Variants in CRISPLD1 observed in about 807,000 individuals in gnomAD.
CRISPLD1 encodes cysteine rich secretory protein LCCL domain containing 1, also known as cysteine-rich secretory protein LCCL domain-containing 1.
A neutral mutation model predicts 77.5 loss-of-function variants in CRISPLD1; 60 were observed. The observed-to-expected ratio is 0.77, with a 90% CI of 0.63 to 0.96. The LOEUF (loss-of-function observed/expected upper bound fraction) is 0.96. CRISPLD1 is among the 40% of genes least tolerant of loss of function. The pLI is 0.00. For synonymous variants in CRISPLD1, 195 were observed against 200.1 expected, an observed-to-expected ratio of 0.97 and a Z score of 0.22; for missense variants, 623 against 615.8, an observed-to-expected ratio of 1.01 and a Z score of -0.12.
At chr8:75,009,935 A>T (rs1418235312) in intron 2 of CRISPLD1, among the ~76,000 whole-genome samples, 1 of 152,092 alleles carries the variant, frequency 6.6e-6, no homozygotes, top group Non-Finnish European at 1.5e-5. Context: ...TGGTAAAGTT[A>T]ATTAATAATA....
Position 74,998,685 on chromosome 8 carries a change from C to CAAAAAAA in CRISPLD1, c.258+12457_258+12463dup, listed in dbSNP as rs368258595. Among the ~76,000 whole-genome samples the CAAAAAAA allele has an allele frequency of 1.6e-3, 83 of 50,930 alleles. 4 individuals are homozygous for CAAAAAAA. The highest frequency in any genetic ancestry group is 3.4e-3 in the African/African-American group (47 of 13,808). 33.4% of individuals were successfully genotyped at this position (50,930 alleles called of 152,430 possible). A position where few individuals can be genotyped will look rare whatever the true frequency, so the allele number is the denominator to read the frequency against. On this transcript the variant is annotated intron_variant, in intron 2 of 14. Transcript: ENST00000262207. ...CCTGGGCAACAGAGAGACTCCATCT[C>CAAAAAAA]AAAAAAAAAAAAAAAAAAAAAAAGT...
chr8:75,029,001 G>T (rs555733148), intron 13 of CRISPLD1, among the ~76,000 whole-genome samples: 1 of 152,290 alleles, frequency 6.6e-6, no homozygotes, highest in African/African-American at 2.4e-5. Flanking sequence ...CATTTGGTCA[G>T]AGTGAGCCCA....
chr8:75,032,181 T>C lies in CRISPLD1; in HGVS notation c.1452-10T>C. The C allele has an allele frequency of 1.3e-6, 2 of 1,591,916 alleles. No homozygotes were observed. The highest frequency in any genetic ancestry group is 1.7e-6 in the Non-Finnish European group (2 of 1,164,798). On this transcript the variant is annotated splice_polypyrimidine_tract_variant and intron_variant, in intron 14 of 14. Coordinates refer to ENST00000262207, the MANE Select transcript of CRISPLD1 (RefSeq NM_031461.6). ...TCAATATACTTTTCATATATTTTTT[T>C]TTTTTGCAGTTTACAGAATCCTCCA...
At chr8:74,996,588 C>G (rs1316553073) in intron 2 of CRISPLD1, among the ~76,000 whole-genome samples, 1 of 150,364 alleles carries the variant, frequency 6.7e-6, no homozygotes, top group African/African-American at 2.4e-5. Flanking sequence ...ATACTAGGCA[C>G]AAAGTCTTTA....
chr8:75,030,585 T>G (rs1193285440), intron 14 of CRISPLD1, among the ~76,000 whole-genome samples: 2 of 152,088 alleles, frequency 1.3e-5, no homozygotes, highest in Non-Finnish European at 2.9e-5. Flanking sequence ...GAGTACCTAC[T>G]ATGAATATTC....
At chr8:74,987,261 G>A (rs1370042460) in intron 2 of CRISPLD1, among the ~76,000 whole-genome samples, 1 of 152,128 alleles carries the variant, frequency 6.6e-6, no homozygotes, top group African/African-American at 2.4e-5. Context: ...TTACCCTAAA[G>A]AAAGTAGGTG....
intron 2 of CRISPLD1, among the ~76,000 whole-genome samples, chr8:74,986,732 T>G: frequency 6.6e-6 from 1 of 152,206 alleles, no homozygotes; most frequent in East Asian, 1.9e-4. Context: ...ATGGTTGCTT[T>G]ATGTTGAAGA....
chr8:74,996,105 T>G (rs575706112), intron 2 of CRISPLD1, among the ~76,000 whole-genome samples: 148 of 151,196 alleles, frequency 9.8e-4, no homozygotes, highest in Non-Finnish European at 1.8e-3. Context: ...ATCATGGATG[T>G]TTATACATAT....
intron 2 of CRISPLD1, among the ~76,000 whole-genome samples, chr8:74,989,735 A>G (rs1235915013): frequency 2.6e-5 from 4 of 152,048 alleles, no homozygotes; most frequent in African/African-American, 9.7e-5. Flanking sequence ...GCTGTGCAGA[A>G]ACTTTTTAGT....
At chr8:74,989,518 A>G (rs1262894325) in intron 2 of CRISPLD1, among the ~76,000 whole-genome samples, 3 of 149,776 alleles carry the variant, frequency 2.0e-5, no homozygotes, top group Non-Finnish European at 4.4e-5. Flanking sequence ...TATAAACCTT[A>G]TATGTTTATT....
chr8:75,004,433 C>T (rs1032529498), intron 2 of CRISPLD1, among the ~76,000 whole-genome samples: 4 of 152,090 alleles, frequency 2.6e-5, no homozygotes, highest in African/African-American at 4.8e-5. Flanking sequence ...ATTTCATTGA[C>T]GTCTGGGAGA....
chr8:75,032,289 A>T lies in CRISPLD1; in HGVS notation c.*47A>T. ...CCATAAAGACTATTCCAAATGCAAT[A>T]TTTCTGAATTTTGTATAAAACTGTA... On this transcript the variant is annotated 3_prime_UTR_variant, in exon 15 of 15. Coordinates refer to ENST00000262207, the MANE Select transcript of CRISPLD1 (RefSeq NM_031461.6). 6.9e-7 allele frequency: 1 copy of T among 1,448,762 alleles called. No individual in the cohort carries two copies. Among genetic ancestry groups the T allele is most frequent in the Non-Finnish European group, 9.6e-7 (1 of 1,043,478 alleles). The allele number at this position is 1,448,762 out of a possible 1,614,324, so 89.7% of individuals were successfully genotyped here. A position where few individuals can be genotyped will look rare whatever the true frequency, so the allele number is the denominator to read the frequency against.
chr8:75,017,520 T>TA (rs1813056441), intron 10 of CRISPLD1, 70 bp downstream of exon 10: 1 of 1,282,332 alleles, frequency 7.8e-7, no homozygotes, highest in Non-Finnish European at 1.1e-6. Context: ...CATTTTTTTT[T>TA]AGAGCAAAGC....
rs149998958 is a variant in CRISPLD1 at position 75,017,305 on chromosome 8, C to T, written c.997-15C>T. 9.1e-4 allele frequency: 1,456 copies of T among 1,606,260 alleles called. 16 individuals carry two copies. In the African/African-American group the frequency reaches 0.017, roughly 19 times the overall value. ...AATATTTTTAACATCTTTTTATCTC[C>T]TCCTTTTTTCCAAGCAATCCAGCAT... On this transcript the variant is annotated splice_polypyrimidine_tract_variant and intron_variant, in intron 9 of 14. Coordinates refer to ENST00000262207, the MANE Select transcript of CRISPLD1 (RefSeq NM_031461.6).
chr8:74,991,303 T>A (rs1812570255), intron 2 of CRISPLD1, among the ~76,000 whole-genome samples: 1 of 152,078 alleles, frequency 6.6e-6, no homozygotes, highest in Non-Finnish European at 1.5e-5. Flanking sequence ...TCTTTGTACC[T>A]ACTTTACTTC....
At chr8:75,003,155 C>A in intron 2 of CRISPLD1, among the ~76,000 whole-genome samples, 1 of 152,156 alleles carries the variant, frequency 6.6e-6, no homozygotes, top group East Asian at 1.9e-4. Context: ...AAACTTATCA[C>A]AGAATTGTTA....
chr8:75,004,123 T>C (rs1487663207), intron 2 of CRISPLD1, among the ~76,000 whole-genome samples: 1 of 152,198 alleles, frequency 6.6e-6, no homozygotes, highest in Non-Finnish European at 1.5e-5. Context: ...ATGCCTCACA[T>C]CTCTGAATTT....
intron 12 of CRISPLD1, among the ~76,000 whole-genome samples, chr8:75,022,508 A>C (rs1813153476): frequency 6.6e-6 from 1 of 151,850 alleles, no homozygotes; most frequent in African/African-American, 2.4e-5. Flanking sequence ...GAATGGCGTG[A>C]ACCCGGGAGG....
chr8:75,004,433 CG>C (rs1285875726), intron 2 of CRISPLD1, among the ~76,000 whole-genome samples: 1 of 152,090 alleles, frequency 6.6e-6, no homozygotes, highest in Admixed American at 6.6e-5. Context: ...ATTTCATTGA[CG>C]TCTGGGAGAA....
Sources: allele counts gnomAD v4.1 joint callset (sites outside exome capture counted in the v4.1 genomes callset), GRCh38; gene constraint gnomAD v4.1.1; transcripts MANE v1.5; gene names NCBI Gene and HGNC (gene_info 2026-07-23, HGNC 2026-07-21).